Variants in GABRB1 observed in about 807,000 individuals in gnomAD.
GABRB1 encodes the protein gamma-aminobutyric acid receptor subunit beta-1.
Under a neutral mutation model 51.6 loss-of-function variants are expected in GABRB1, and 17 were observed. The ratio of observed to expected loss-of-function variants is 0.33; its 90% CI spans 0.23 to 0.49. The LOEUF (loss-of-function observed/expected upper bound fraction) is 0.49, where lower values mean the gene tolerates loss of function less well. Ranked by LOEUF, GABRB1 falls within the 20% of genes least tolerant of loss-of-function variation. The pLI, the probability that GABRB1 is intolerant of heterozygous loss-of-function variation, is 0.99. For missense variants in GABRB1, 410 were observed against 600.6 expected, an observed-to-expected ratio of 0.68 and a Z score of 3.32; for synonymous variants, 247 against 218.9, an observed-to-expected ratio of 1.13 and a Z score of -1.14.
At chr4:47,146,867 A>T (rs974752660) in intron 3 of GABRB1, among the ~76,000 whole-genome samples, 5 of 152,024 alleles carry the variant, frequency 3.3e-5, no homozygotes, top group African/African-American at 4.8e-5. Context: ...ATAATGTAAA[A>T]CTTAGAATGT....
At chr4:47,335,383 T>C (rs545930536) in intron 5 of GABRB1, among the ~76,000 whole-genome samples, 4 of 152,280 alleles carry the variant, frequency 2.6e-5, no homozygotes, top group African/African-American at 9.6e-5. Flanking sequence ...TGTTACATAA[T>C]TGTCATCTGA....
chr4:47,342,852 G>A (rs13117246), intron 5 of GABRB1, among the ~76,000 whole-genome samples: 1 of 152,028 alleles, frequency 6.6e-6, no homozygotes, highest in Non-Finnish European at 1.5e-5. Flanking sequence ...GCACCATTCA[G>A]GGTATGTAGA....
At chr4:47,152,061 A>G (rs1270645325) in intron 3 of GABRB1, among the ~76,000 whole-genome samples, 3 of 152,148 alleles carry the variant, frequency 2.0e-5, no homozygotes, top group Non-Finnish European at 2.9e-5. Flanking sequence ...TGCTTTTGTC[A>G]TCTCCTGGAA....
At chr4:47,015,515 T>G (rs1429688806) in intron 1 of GABRB1, among the ~76,000 whole-genome samples, 1 of 152,154 alleles carries the variant, frequency 6.6e-6, no homozygotes, top group African/African-American at 2.4e-5. Context: ...CTCTTCCACA[T>G]TGGAAAGCAA....
chr4:47,265,314 A>T (rs534713618), intron 4 of GABRB1, among the ~76,000 whole-genome samples: 4 of 151,998 alleles, frequency 2.6e-5, no homozygotes, highest in African/African-American at 9.6e-5. Context: ...ATTCCATGAT[A>T]TATATATATA....
upstream of GABRB1, among the ~76,000 whole-genome samples, chr4:47,026,700 A>T (rs575549752): frequency 5.9e-4 from 90 of 152,134 alleles, no homozygotes; most frequent in African/African-American, 2.1e-3. Context: ...TCTGTACTCA[A>T]ATACAAATTC....
At chr4:47,135,830 A>T (rs761743999) in intron 3 of GABRB1, among the ~76,000 whole-genome samples, 1 of 152,142 alleles carries the variant, frequency 6.6e-6, no homozygotes, top group Non-Finnish European at 1.5e-5. Flanking sequence ...TAATACAGAC[A>T]TATTTACTAT....
chr4:47,357,213 T>C (rs1726616683), intron 5 of GABRB1, among the ~76,000 whole-genome samples: 1 of 152,206 alleles, frequency 6.6e-6, no homozygotes, highest in Non-Finnish European at 1.5e-5. Context: ...CTTAAACCAA[T>C]TCAACACATA....
chr4:47,219,737 T>C (rs1006332597), intron 4 of GABRB1, among the ~76,000 whole-genome samples: 1 of 151,912 alleles, frequency 6.6e-6, no homozygotes, highest in Non-Finnish European at 1.5e-5. Flanking sequence ...TATGTGGAAT[T>C]ACCTTATTTC....
chr4:47,226,198 T>C (rs1720938696), intron 4 of GABRB1, among the ~76,000 whole-genome samples: 1 of 152,312 alleles, frequency 6.6e-6, no homozygotes, highest in Middle Eastern at 3.4e-3. Context: ...ATAGATGTGA[T>C]ACTGTCAAAT....
chr4:47,225,205 G>C (rs976354071), intron 4 of GABRB1, among the ~76,000 whole-genome samples: 1 of 152,066 alleles, frequency 6.6e-6, no homozygotes, highest in African/African-American at 2.4e-5. Flanking sequence ...GGAGTGTTGA[G>C]GTATTAGTGT....
chr4:47,197,417 G>A (rs1394227818), intron 4 of GABRB1, among the ~76,000 whole-genome samples: 1 of 152,168 alleles, frequency 6.6e-6, no homozygotes, highest in Non-Finnish European at 1.5e-5. Context: ...TAAGCCCCAT[G>A]TGATGGCCCA....
chr4:47,322,698 C>T (rs1371657949), intron 5 of GABRB1, among the ~76,000 whole-genome samples: 1 of 152,078 alleles, frequency 6.6e-6, no homozygotes, highest in East Asian at 1.9e-4. Flanking sequence ...AGGTTTGTCA[C>T]GGCGGCTCAC....
chr4:47,377,168 A>G lies in GABRB1; in HGVS notation c.545-26150A>G, dbSNP rs1039372148. 2.0e-5 allele frequency among the ~76,000 whole-genome samples: 3 copies of G among 152,146 alleles called. No individual in the cohort carries two copies. In the East Asian group the frequency reaches 5.8e-4, roughly 29 times the overall value. On this transcript the variant is annotated intron_variant, in intron 5 of 8. Coordinates refer to ENST00000295454, the MANE Select transcript of GABRB1 (RefSeq NM_000812.4). ...GTTTTTTTGTTTTGTTTTGAGACGG[A>G]GTTTTGCTCTTGTTGCCCAGGCTGG...
intron 3 of GABRB1, among the ~76,000 whole-genome samples, chr4:47,054,738 A>T (rs1726514149): frequency 6.6e-6 from 1 of 152,066 alleles, no homozygotes; most frequent in African/African-American, 2.4e-5. Context: ...GCCTGCCACC[A>T]TGCCCAGCTA....
intron 5 of GABRB1, among the ~76,000 whole-genome samples, chr4:47,369,031 C>T (rs1238535655): frequency 1.3e-5 from 2 of 152,076 alleles, no homozygotes; most frequent in Admixed American, 6.5e-5. Flanking sequence ...TTGCGTGAAC[C>T]CAGGAGGCAG....
intron 3 of GABRB1, among the ~76,000 whole-genome samples, chr4:47,075,412 T>A (rs1475116188): frequency 6.6e-6 from 1 of 152,236 alleles, no homozygotes; most frequent in Admixed American, 6.5e-5. Context: ...GCTGTTTTCA[T>A]AAAGGCTATG....
chr4:47,109,956 A>T (rs1259065008), intron 3 of GABRB1, among the ~76,000 whole-genome samples: 1 of 152,114 alleles, frequency 6.6e-6, no homozygotes, highest in Non-Finnish European at 1.5e-5. Context: ...TCAACATTGT[A>T]GTGGAAGAAA....
chr4:47,014,072 A>G (rs1019327398), intron 1 of GABRB1, among the ~76,000 whole-genome samples: 3 of 152,126 alleles, frequency 2.0e-5, no homozygotes, highest in African/African-American at 4.8e-5. Context: ...TGTATATGCT[A>G]CGAAGTAGGT....
Sources: gnomAD v4.1 joint callset for allele counts (sites outside exome capture counted in the v4.1 genomes callset) on GRCh38, gnomAD v4.1.1 for gene constraint, MANE v1.5 for transcripts, NCBI Gene and HGNC (gene_info 2026-07-23, HGNC 2026-07-21) for gene names.